COQ9: variants seen among roughly 807,000 people sequenced by gnomAD.
COQ9 encodes coenzyme Q9.
Under a neutral mutation model 42.4 loss-of-function variants are expected in COQ9, and 35 were observed. The ratio of observed to expected loss-of-function variants is 0.83; its 90% CI spans 0.63 to 1.10. The LOEUF (loss-of-function observed/expected upper bound fraction) is 1.10. Among genes scored for constraint, COQ9 ranks in the 50% least tolerant of loss-of-function variants. The pLI is 0.00. For missense variants in COQ9, 406 were observed against 414.6 expected, an observed-to-expected ratio of 0.98 and a Z score of 0.18; for synonymous variants, 155 against 155.1, an observed-to-expected ratio of 1.00 and a Z score of 0.00.
At chr16:57,457,911 A>G (rs377716595) in intron 5 of COQ9, among the ~76,000 whole-genome samples, 3 of 152,228 alleles carry the variant, frequency 2.0e-5, no homozygotes, top group African/African-American at 7.2e-5. Flanking sequence ...ACGGACTCCT[A>G]TCTCTGCTTC....
chr16:57,451,990 GT>G (rs565374865), intron 2 of COQ9, among the ~76,000 whole-genome samples: 100 of 151,142 alleles, frequency 6.6e-4, no homozygotes, highest in South Asian at 1.5e-3. Flanking sequence ...TTCCATTAGT[GT>G]TTTTTTTTCC....
intron 2 of COQ9, among the ~76,000 whole-genome samples, chr16:57,452,082 TTTTCA>T (rs1335966704): frequency 1.3e-5 from 2 of 152,224 alleles, no homozygotes; most frequent in Non-Finnish European, 2.9e-5. Flanking sequence ...ACTAAAGTAC[TTTTCA>T]TTTCAATTCA....
Position 57,447,561 on chromosome 16 carries a change from A to C in COQ9, c.56A>C (p.Gln19Pro), listed in dbSNP as rs2030152847. 18 of 1,290,026 alleles carry C rather than the reference A, an allele frequency of 1.4e-5. No homozygotes were observed. Among genetic ancestry groups the C allele is most frequent in the Non-Finnish European group, 1.8e-5 (18 of 1,014,070 alleles). 79.9% of individuals were successfully genotyped at this position (1,290,026 alleles called of 1,614,324 possible). The change falls in exon 1 of 9, where the codon CAG (glutamine) becomes CCG (proline). Residue 19 changes from glutamine to proline, a missense_variant. Coordinates refer to ENST00000262507, the MANE Select transcript of COQ9 (RefSeq NM_020312.4). The part of the protein sequence containing the change: ...ALGRAGWRLL[Q>P]LRCLPVARCR... ...GGCCGGGCGGGCTGGAGGCTCCTGC[A>C]GCTGCGATGCCTGCCCGGTGAGGGG...
At chr16:57,453,080 T>G in intron 3 of COQ9, 144 bp downstream of exon 3, 1 of 1,041,342 alleles carries the variant, frequency 9.6e-7, no homozygotes, top group Non-Finnish European at 1.5e-6. Context: ...TTTCCCCCAA[T>G]AGGGTGGAAC....
intron 3 of COQ9, chr16:57,454,085 A>G (rs2030348550): frequency 6.6e-6 from 1 of 152,236 alleles, no homozygotes; most frequent in South Asian, 2.1e-4. Context: ...CGATCATTAG[A>G]TCAGGTCACA....
chr16:57,448,096 TA>T (rs746221425), intron 1 of COQ9, among the ~76,000 whole-genome samples: 21 of 152,224 alleles, frequency 1.4e-4, no homozygotes, highest in Non-Finnish European at 2.5e-4. Flanking sequence ...ATCATTGTCA[TA>T]AATGGAAAAC....
chr16:57,450,969 C>A, intron 1 of COQ9, 71 bp from the exon 2 acceptor site: 2 of 1,545,566 alleles, frequency 1.3e-6, no homozygotes, highest in Non-Finnish European at 1.8e-6. Context: ...TCCTCCTTAT[C>A]TGTGTTACCA....
chr16:57,452,819 C>T lies in COQ9; in HGVS notation c.261C>T (p.Gly87=), dbSNP rs376613524. Residue 87 remains glycine, a synonymous_variant, in exon 3 of 9, where the codon GGC becomes GGT. Coordinates refer to ENST00000262507, the MANE Select transcript of COQ9 (RefSeq NM_020312.4). The stretch of plus-strand genomic sequence containing the variant: ...GTCTCAGGTATACAGACCAGGGCGG[C>T]GAGGAGGAGGAGGACTATGAAAGTG... ...HSPPRYTDQG[G]EEEEDYESEE... is the part of the protein sequence containing the mutation. 17 of 1,613,040 alleles carry T rather than the reference C, an allele frequency of 1.1e-5. No individual in the cohort carries two copies. The African/African-American group carries it at 1.1e-4, about 10-fold the overall frequency.
At chr16:57,450,684 T>G in intron 1 of COQ9, 1 of 336,204 alleles carries the variant, frequency 3.0e-6, no homozygotes, top group Non-Finnish European at 5.7e-6. Context: ...CCACTTTTAC[T>G]TTTTGTTTGG....
At chr16:57,448,466 C>T (rs531200504) in intron 1 of COQ9, among the ~76,000 whole-genome samples, 12 of 151,974 alleles carry the variant, frequency 7.9e-5, no homozygotes, top group African/African-American at 2.7e-4. Flanking sequence ...CTCTGTCACC[C>T]AGGCTGGAGT....
chr16:57,449,200 T>C (rs2030220494), intron 1 of COQ9, among the ~76,000 whole-genome samples: 1 of 152,162 alleles, frequency 6.6e-6, no homozygotes, highest in African/African-American at 2.4e-5. Flanking sequence ...GATTCTGTTT[T>C]CCCACAGGGA....
rs376731256 is a variant in COQ9 at position 57,455,197 on chromosome 16, T to G, written c.379-1307T>G. 4.6e-5 allele frequency among the ~76,000 whole-genome samples: 7 copies of G among 151,794 alleles called. No homozygotes were observed. In the East Asian group the frequency reaches 9.7e-4, roughly 21 times the overall value. ...CATGTGTGGGTACCCAATGGTGGTG[T>G]TTTCTAAGGTGAAGGCCATTGGAAG... On this transcript the variant is annotated intron_variant, in intron 3 of 8. Transcript: ENST00000262507.
At position 57,459,809 on chromosome 16, in the gene COQ9, C is replaced by T. The variant is rs559741566; in HGVS notation, c.867+89C>T. 2.6e-5 allele frequency: 39 copies of T among 1,491,342 alleles called. 1 individual carries two copies. The Admixed American group carries it at 6.5e-4, about 25-fold the overall frequency. 92.4% of individuals were successfully genotyped at this position (1,491,342 alleles called of 1,614,324 possible). On this transcript the variant is annotated intron_variant, in intron 7 of 8. Coordinates refer to ENST00000262507, the MANE Select transcript of COQ9 (RefSeq NM_020312.4). The stretch of plus-strand genomic sequence containing the variant: ...AGCTGGTCTTGCTCCCTTTTGGCCT[C>T]AGCTGACAGTCCTGAGGGCCTTCCC...
At chr16:57,456,435 G>T in intron 3 of COQ9, 69 bp from the exon 4 acceptor site, 1 of 1,560,952 alleles carries the variant, frequency 6.4e-7, no homozygotes. Flanking sequence ...AGGCTCTAGT[G>T]ATGAACAGGC....
At chr16:57,453,992 T>TA (rs2030346699) in intron 3 of COQ9, 1 of 152,236 alleles carries the variant, frequency 6.6e-6, no homozygotes, top group South Asian at 2.1e-4. Context: ...GCAACATTAA[T>TA]AAAATATATA....
At chr16:57,454,257 T>C (rs996033538) in intron 3 of COQ9, 1 of 152,230 alleles carries the variant, frequency 6.6e-6, no homozygotes, top group Non-Finnish European at 1.5e-5. Context: ...TTTCATTGAC[T>C]CTAAGATGCC....
intron 2 of COQ9, 77 bp downstream of exon 2, chr16:57,451,285 C>T (rs2030283161): frequency 6.9e-7 from 1 of 1,447,112 alleles, no homozygotes; most frequent in Admixed American, 1.7e-5. Flanking sequence ...CCTCTCTCCT[C>T]TCCATCCCCT....
chr16:57,449,151 A>G (rs954698493), intron 1 of COQ9, among the ~76,000 whole-genome samples: 1 of 152,202 alleles, frequency 6.6e-6, no homozygotes, highest in Non-Finnish European at 1.5e-5. Context: ...AATAATTATA[A>G]ATAAGATTGG....
intron 1 of COQ9, among the ~76,000 whole-genome samples, chr16:57,450,161 T>A (rs1326429855): frequency 3.9e-5 from 6 of 152,304 alleles, no homozygotes; most frequent in Non-Finnish European, 5.9e-5. Context: ...ACGCCTGTAA[T>A]CCTAGCACTT....
Sources: allele counts gnomAD v4.1 joint callset (sites outside exome capture counted in the v4.1 genomes callset), GRCh38; gene constraint gnomAD v4.1.1; transcripts MANE v1.5; gene names NCBI Gene and HGNC (gene_info 2026-07-23, HGNC 2026-07-21).